The following SLCO3A1 variants were observed in gnomAD, a reference collection of about 807,000 sequenced individuals.
SLCO3A1 encodes solute carrier organic anion transporter family member 3A1, also known as PGE1 transporter.
SLCO3A1 carries 27 observed loss-of-function variants against 63.1 expected under a neutral mutation model. The ratio of observed to expected loss-of-function variants is 0.43; its 90% CI spans 0.32 to 0.59. The LOEUF is 0.59. SLCO3A1 is among the 20% of genes least tolerant of loss of function. The probability of loss-of-function intolerance (pLI) is 0.09; values close to 1 mark genes in which losing one functional copy is unlikely to be tolerated. For synonymous variants in SLCO3A1, 473 were observed against 409.9 expected, an observed-to-expected ratio of 1.15 and a Z score of -1.86; for missense variants, 773 against 945.8, an observed-to-expected ratio of 0.82 and a Z score of 2.40.
At chr15:91,993,209 C>T (rs577437024) in intron 2 of SLCO3A1, among the ~76,000 whole-genome samples, 3 of 152,272 alleles carry the variant, frequency 2.0e-5, no homozygotes, top group Non-Finnish European at 2.9e-5. Flanking sequence ...AGTCTTTGTA[C>T]GAATTGCATT....
Position 91,885,487 on chromosome 15 carries a change from C to T in SLCO3A1, c.181-30506C>T, listed in dbSNP as rs1055704686. Among the ~76,000 whole-genome samples the T allele has an allele frequency of 2.6e-5, 4 of 152,204 alleles. No homozygotes were observed. The highest frequency in any genetic ancestry group is 5.9e-5 in the Non-Finnish European group (4 of 68,024). ...CCAGCAGCCAAACTCCAGCATGTCA[C>T]AAATCATACATTACAGGAAAAGGGA... On this transcript the variant is annotated intron_variant, in intron 1 of 9. Coordinates refer to ENST00000318445, the MANE Select transcript of SLCO3A1 (RefSeq NM_013272.4). The surrounding 1 kb of genome is among the most constrained non-coding windows in gnomAD (Gnocchi z 4.7).
Position 91,894,568 on chromosome 15 carries a change from C to A in SLCO3A1, c.181-21425C>A, listed in dbSNP as rs8032475. 0.24 allele frequency among the ~76,000 whole-genome samples: 36,541 copies of A among 151,922 alleles called. 5,223 individuals are homozygous for A. The highest frequency in any genetic ancestry group is 0.41 in the East Asian group (2,103 of 5,162). ...GGCAGCAGAGGCAATGGAGGAGGGT[C>A]CCCAGCACTGTGTTGCCATGGAGTG... is the stretch of plus-strand genomic sequence containing the variant. On this transcript the variant is annotated intron_variant, in intron 1 of 9. Transcript: ENST00000318445. The surrounding 1 kb of genome is among the most constrained non-coding windows in gnomAD (Gnocchi z 4.8).
chr15:91,880,119 GTCCGTCCGTCCGTCCATCCA>G (rs1201545545), intron 1 of SLCO3A1, among the ~76,000 whole-genome samples: 1 of 120,424 alleles, frequency 8.3e-6, no homozygotes, highest in Non-Finnish European at 1.6e-5. Context: ...CCGTCCGTCC[GTCCGTCCGTCCGTCCATCCA>G]TCCATCCATC....
At chr15:92,167,598 C>T (rs141842978), downstream of SLCO3A1, among the ~76,000 whole-genome samples, 61 of 152,364 alleles carry the variant, frequency 4.0e-4, 1 homozygote, top group African/African-American at 1.4e-3. Flanking sequence ...TTGGACCCCA[C>T]GCCCCTAGTG....
chr15:91,978,498 G>A (rs1264666925), intron 2 of SLCO3A1, among the ~76,000 whole-genome samples: 1 of 152,168 alleles, frequency 6.6e-6, no homozygotes, highest in Non-Finnish European at 1.5e-5. Context: ...ACTGCAAAGA[G>A]GAGGGAAGGA....
At chr15:92,156,075 A>G (rs1296573540) in intron 9 of SLCO3A1, among the ~76,000 whole-genome samples, 2 of 152,284 alleles carry the variant, frequency 1.3e-5, no homozygotes, top group African/African-American at 4.8e-5. Flanking sequence ...AGTACATCCT[A>G]GACACTCCTG....
At chr15:92,022,257 G>A (rs1165900714) in intron 2 of SLCO3A1, among the ~76,000 whole-genome samples, 6 of 152,188 alleles carry the variant, frequency 3.9e-5, no homozygotes, top group African/African-American at 1.4e-4. Context: ...AACTTTTCTT[G>A]CTGACTTAGG....
chr15:92,093,535 C>T (rs529999644), intron 2 of SLCO3A1, among the ~76,000 whole-genome samples: 4 of 152,168 alleles, frequency 2.6e-5, no homozygotes, highest in African/African-American at 7.2e-5. Flanking sequence ...AACTATATTA[C>T]GCGGCTTCCT....
At chr15:92,091,951 T>C (rs907220733) in intron 2 of SLCO3A1, among the ~76,000 whole-genome samples, 1 of 152,190 alleles carries the variant, frequency 6.6e-6, no homozygotes, top group Non-Finnish European at 1.5e-5. Flanking sequence ...AGAGGCTGCC[T>C]CAGGGTGTGG....
At chr15:92,134,513 A>C (rs2048032904) in intron 7 of SLCO3A1, among the ~76,000 whole-genome samples, 1 of 152,248 alleles carries the variant, frequency 6.6e-6, no homozygotes, top group South Asian at 2.1e-4. Context: ...CAATATAGTT[A>C]AGTGAAAAGA....
At chr15:92,152,574 A>G (rs1407428624) in intron 9 of SLCO3A1, among the ~76,000 whole-genome samples, 5 of 152,208 alleles carry the variant, frequency 3.3e-5, no homozygotes, top group Non-Finnish European at 7.3e-5. Context: ...ACCAAGGCAG[A>G]GTTATGATCG....
chr15:91,996,698 A>AT (rs1183842425), intron 2 of SLCO3A1, among the ~76,000 whole-genome samples: 1 of 152,222 alleles, frequency 6.6e-6, no homozygotes, highest in Non-Finnish European at 1.5e-5. Context: ...ACCCATACAT[A>AT]TACAGACAGC....
intron 1 of SLCO3A1, among the ~76,000 whole-genome samples, chr15:91,902,784 A>C (rs893384699): frequency 5.3e-5 from 8 of 152,132 alleles, no homozygotes; most frequent in African/African-American, 1.9e-4. Flanking sequence ...TGGGGCAGAT[A>C]AAGTGTGGAC....
intron 2 of SLCO3A1, among the ~76,000 whole-genome samples, chr15:92,016,249 A>ATAGG (rs2046430149): frequency 1.7e-5 from 1 of 58,432 alleles, no homozygotes; most frequent in Non-Finnish European, 2.9e-5. Flanking sequence ...AGATAGATAG[A>ATAGG]TAGATTAGAT....
chr15:92,034,776 T>A (rs1214810074), intron 2 of SLCO3A1, among the ~76,000 whole-genome samples: 1 of 151,932 alleles, frequency 6.6e-6, no homozygotes, highest in African/African-American at 2.4e-5. Flanking sequence ...AGTGGTGGCA[T>A]GTGGCTATGG....
At chr15:91,893,434 A>G (rs55908621) in intron 1 of SLCO3A1, among the ~76,000 whole-genome samples, 10,079 of 152,280 alleles carry the variant, frequency 0.066, 472 homozygotes, top group Non-Finnish European at 0.1. Context: ...CTGATCTGGT[A>G]TCTGGTAAGG....
At chr15:92,035,893 C>T (rs2151483516) in intron 2 of SLCO3A1, among the ~76,000 whole-genome samples, 1 of 151,942 alleles carries the variant, frequency 6.6e-6, no homozygotes, top group South Asian at 2.1e-4. Flanking sequence ...CAATTTGGGT[C>T]CCTGGAGGCT....
At chr15:92,073,100 A>G (rs1467228974) in intron 2 of SLCO3A1, among the ~76,000 whole-genome samples, 1 of 152,128 alleles carries the variant, frequency 6.6e-6, no homozygotes. Flanking sequence ...TTTGAAAACC[A>G]GAGTTTTAGC....
intron 2 of SLCO3A1, among the ~76,000 whole-genome samples, chr15:92,002,789 A>G (rs937268198): frequency 6.6e-6 from 1 of 152,232 alleles, no homozygotes; most frequent in Non-Finnish European, 1.5e-5. Flanking sequence ...AATTAAATAA[A>G]CTTAATTAAA....
Sources: gnomAD v4.1 joint callset for allele counts (sites outside exome capture counted in the v4.1 genomes callset) on GRCh38, gnomAD v4.1.1 for gene constraint, Gnocchi (gnomAD v3.1) non-coding constraint, MANE v1.5 for transcripts, NCBI Gene and HGNC (gene_info 2026-07-23, HGNC 2026-07-21) for gene names.